Variants in DUSP22 observed in about 807,000 individuals in gnomAD.
The protein encoded by DUSP22 is dual specificity protein phosphatase 22.
DUSP22 carries 24 observed loss-of-function variants against 24.5 expected under a neutral mutation model. The ratio of observed to expected loss-of-function variants is 0.98; its 90% CI spans 0.71 to 1.38. The LOEUF is 1.38. Ranked by LOEUF, DUSP22 falls within the 40% of genes most tolerant of loss-of-function variation. DUSP22 has a pLI of 0.00. For missense variants in DUSP22, 330 were observed against 269.2 expected, an observed-to-expected ratio of 1.23 and a Z score of -1.58; for synonymous variants, 160 against 106.4, an observed-to-expected ratio of 1.50 and a Z score of -3.10.
intron 5 of DUSP22, among the ~76,000 whole-genome samples, chr6:346,847 C>T (rs1280652117): frequency 1.3e-5 from 2 of 151,492 alleles, no homozygotes; most frequent in Non-Finnish European, 3.0e-5. Flanking sequence ...ACAGAGGGGA[C>T]CCAGGGACCC....
Position 350,569 on chromosome 6 carries a change from G to T in DUSP22, c.*1618G>T, listed in dbSNP as rs547727084. ...AACAAAGTTGCCTGATTCCGCGCAGGTGCACAGGCCCCGGATGTACACCCG... is the reference window on the plus strand; with the variant it reads ...AACAAAGTTGCCTGATTCCGCGCAGTTGCACAGGCCCCGGATGTACACCCG... On this transcript the variant is annotated 3_prime_UTR_variant, in exon 7 of 7. Coordinates refer to ENST00000419235, the MANE Select transcript of DUSP22 (RefSeq NM_001286555.3). 7.2e-7 allele frequency: 1 copy of T among 1,397,664 alleles called. No homozygotes were observed. The highest frequency in any genetic ancestry group is 1.6e-5 in the South Asian group (1 of 63,876). 86.6% of individuals were successfully genotyped at this position (1,397,664 alleles called of 1,614,324 possible).
chr6:323,879 C>G (rs1036343600), intron 3 of DUSP22, among the ~76,000 whole-genome samples: 4 of 152,296 alleles, frequency 2.6e-5, no homozygotes, highest in African/African-American at 9.6e-5. Flanking sequence ...AGATCAGCCC[C>G]GCAGCACCCA....
rs540447354 is a variant in DUSP22, at chr6:350,166, C to T, written c.*1215C>T. On this transcript the variant is annotated 3_prime_UTR_variant, in exon 7 of 7. Coordinates refer to ENST00000419235, the MANE Select transcript of DUSP22 (RefSeq NM_001286555.3). Reference sequence around the variant, plus strand: ...TGCCTCACAGTTGAAAATGTTCGGTCATGATTGCTTTTGAAACCAAAGGGG... The same window carrying T: ...TGCCTCACAGTTGAAAATGTTCGGTTATGATTGCTTTTGAAACCAAAGGGG... 10 of 986,296 alleles carry T rather than the reference C, an allele frequency of 1.0e-5. No homozygotes were observed. In the African/African-American group the frequency reaches 1.7e-4, roughly 17 times the overall value. 61.1% of individuals were successfully genotyped at this position (986,296 alleles called of 1,614,324 possible).
chr6:341,620 GCGGC>G (rs1448783304), intron 4 of DUSP22, among the ~76,000 whole-genome samples: 3 of 152,308 alleles, frequency 2.0e-5, no homozygotes, highest in Non-Finnish European at 2.9e-5. Context: ...GGGGCTCTGA[GCGGC>G]CGCCTTGTTG....
At chr6:303,619 C>T (rs1275123793) in intron 1 of DUSP22, among the ~76,000 whole-genome samples, 2 of 152,310 alleles carry the variant, frequency 1.3e-5, no homozygotes, top group African/African-American at 2.4e-5. Context: ...ATCTAGGGAT[C>T]TGTGGTGAAG....
intron 3 of DUSP22, among the ~76,000 whole-genome samples, chr6:334,076 C>T (rs1417979591): frequency 6.6e-6 from 1 of 152,310 alleles, no homozygotes; most frequent in Non-Finnish European, 1.5e-5. Context: ...TTATTTGTGA[C>T]TAATTACTGA....
chr6:300,390 C>G (rs559264997), intron 1 of DUSP22, among the ~76,000 whole-genome samples: 7 of 152,424 alleles, frequency 4.6e-5, no homozygotes, highest in African/African-American at 1.7e-4. Context: ...GAGCCCTAAG[C>G]TGAAGAGTCA....
At chr6:337,113 C>T (rs1759390711) in intron 4 of DUSP22, 1 of 152,666 alleles carries the variant, frequency 6.6e-6, no homozygotes, top group East Asian at 1.9e-4. Flanking sequence ...CTCAGCTTTG[C>T]TAGGAGCTGA....
chr6:314,047 G>C (rs1248436842), intron 3 of DUSP22, among the ~76,000 whole-genome samples: 1 of 152,304 alleles, frequency 6.6e-6, no homozygotes, highest in Non-Finnish European at 1.5e-5. Context: ...GAGTCGGTGG[G>C]GAATTAGCGG....
rs1207280743 is a variant in DUSP22 at position 348,206 on chromosome 6, T to A, written c.367T>A (p.Ser123Thr). ...CCTGCACACCGTGCGTGCTGGGAGA[T>A]CCTGTGCCAACCCCAACGTGGGCTT... Reference protein sequence around the residue: ...DALHTVRAGRSCANPNVGFQR... With the variant: ...DALHTVRAGRTCANPNVGFQR... Residue 123 changes from serine to threonine, a missense_variant, in exon 6 of 7, where the codon TCC becomes ACC. Ser to Thr is a moderately conservative substitution (Grantham distance 58). Coordinates refer to ENST00000419235, the MANE Select transcript of DUSP22 (RefSeq NM_001286555.3). 3.1e-6 allele frequency: 5 copies of A among 1,614,186 alleles called. No individual in the cohort carries two copies. The highest frequency in any genetic ancestry group is 4.2e-6 in the Non-Finnish European group (5 of 1,180,060).
intron 1 of DUSP22, among the ~76,000 whole-genome samples, chr6:296,611 G>T (rs972456020): frequency 7.9e-5 from 12 of 152,306 alleles, no homozygotes; most frequent in Non-Finnish European, 1.8e-4. Flanking sequence ...CAAATCTTTT[G>T]GGGGAGAGCC....
intron 3 of DUSP22, chr6:325,215 C>T (rs2757555): frequency 1.7e-5 from 4 of 239,606 alleles, no homozygotes; most frequent in Admixed American, 6.2e-5. Flanking sequence ...TGGGCTTCCG[C>T]GTCCTGGTGT....
At position 304,622 on chromosome 6, in the gene DUSP22, T is replaced by G. The variant is rs957430410; in HGVS notation, c.22-6T>G. On this transcript the variant is annotated splice_polypyrimidine_tract_variant and splice_region_variant and intron_variant, in intron 1 of 6. Transcript: ENST00000419235. Reference sequence around the variant, plus strand: ...ATGCTCATGTCTGTGTCTGTCTCTCTCCTAGATCCTGCCCGGCCTGTACAT... The same window carrying G: ...ATGCTCATGTCTGTGTCTGTCTCTCGCCTAGATCCTGCCCGGCCTGTACAT... 4 of 1,614,146 alleles carry G rather than the reference T, an allele frequency of 2.5e-6. No individual in the cohort carries two copies. In the African/African-American group the frequency reaches 4.0e-5, roughly 16 times the overall value.
intron 3 of DUSP22, among the ~76,000 whole-genome samples, chr6:327,292 C>T (rs1227892751): frequency 3.3e-5 from 5 of 152,304 alleles, no homozygotes; most frequent in African/African-American, 1.2e-4. Flanking sequence ...TGGGAGCGTG[C>T]ACTCACCACG....
At chr6:313,274 G>C (rs1758191075) in intron 3 of DUSP22, among the ~76,000 whole-genome samples, 1 of 152,298 alleles carries the variant, frequency 6.6e-6, no homozygotes, top group Non-Finnish European at 1.5e-5. Flanking sequence ...CTGCCTCCCT[G>C]CTTCATACTC....
At chr6:331,218 C>T (rs1759125920) in intron 3 of DUSP22, among the ~76,000 whole-genome samples, 2 of 152,306 alleles carry the variant, frequency 1.3e-5, no homozygotes, top group Non-Finnish European at 2.9e-5. Context: ...CACCAATCCA[C>T]TGTTTTGGAA....
chr6:308,835 A>C (rs1757941513), intron 2 of DUSP22, among the ~76,000 whole-genome samples: 2 of 152,426 alleles, frequency 1.3e-5, no homozygotes, highest in South Asian at 4.1e-4. Flanking sequence ...ATTGAAACAA[A>C]TACGGATGGT....
chr6:348,435 C>T (rs1263717824), intron 6 of DUSP22, 161 bp downstream of exon 6: 16 of 1,224,420 alleles, frequency 1.3e-5, no homozygotes, highest in South Asian at 4.5e-5. Context: ...GAAGTCGTCA[C>T]GATCCCTCGT....
chr6:336,200 C>G (rs1759355431), intron 4 of DUSP22, among the ~76,000 whole-genome samples: 1 of 152,426 alleles, frequency 6.6e-6, no homozygotes, highest in African/African-American at 2.4e-5. Flanking sequence ...GCCACTGAGT[C>G]TGGCCTCTGA....
Sources: gnomAD v4.1 joint callset for allele counts (sites outside exome capture counted in the v4.1 genomes callset) on GRCh38, gnomAD v4.1.1 for gene constraint, MANE v1.5 for transcripts, NCBI Gene and HGNC (gene_info 2026-07-23, HGNC 2026-07-21) for gene names.